The following CELF3 variants were observed in gnomAD, a reference collection of about 807,000 sequenced individuals.
CELF3 encodes CAG repeat domain.
Under a neutral mutation model 59.6 loss-of-function variants are expected in CELF3, and 26 were observed. The observed-to-expected ratio is 0.44, with a 90% CI of 0.32 to 0.61. The LOEUF (loss-of-function observed/expected upper bound fraction) is 0.61, where lower values mean the gene tolerates loss of function less well. Ranked by LOEUF, CELF3 falls within the 20% of genes least tolerant of loss-of-function variation. The probability of loss-of-function intolerance (pLI) is 0.06; values close to 1 mark genes in which losing one functional copy is unlikely to be tolerated. For synonymous variants in CELF3, 245 were observed against 250.7 expected (o/e 0.98, Z 0.22); for missense variants, 387 against 627.2 (o/e 0.62, Z 4.09).
In CELF3 at chr1:151,709,009, G is replaced by A; in HGVS notation, c.475C>T (p.Arg159Trp). ...QAAINTLHSS[R>W]TLPGASSSLV... ...GGAGTGGGGCTCACTGGCAGGGTCCGGCTGCTGTGAAGGGTGTTGATGGCC... is the reference window on the plus strand; with the variant it reads ...GGAGTGGGGCTCACTGGCAGGGTCCAGCTGCTGTGAAGGGTGTTGATGGCC... Residue 159 changes from arginine (R) to tryptophan (W), a missense_variant, in exon 5 of 13, where the codon CGG becomes TGG. Arg to Trp is a moderately radical substitution (Grantham distance 101). Transcript: ENST00000290583. The surrounding 1 kb of genome is among the most constrained non-coding windows in gnomAD (Gnocchi z 4.9). 6.2e-7 allele frequency: 1 copy of A among 1,613,652 alleles called. No homozygotes were observed. Among genetic ancestry groups the A allele is most frequent in the Non-Finnish European group, 8.5e-7 (1 of 1,179,920 alleles).
intron 7 of CELF3, 38 bp from the exon 8 acceptor site, chr1:151,707,332 C>T: frequency 6.4e-7 from 1 of 1,557,408 alleles, no homozygotes; most frequent in Non-Finnish European, 8.7e-7. Flanking sequence ...AGCAGAGGAG[C>T]AGACACACAC....
At chr1:151,714,269 G>A (rs977507629) in intron 2 of CELF3, among the ~76,000 whole-genome samples, 4 of 152,152 alleles carry the variant, frequency 2.6e-5, no homozygotes, top group Non-Finnish European at 4.4e-5. Flanking sequence ...ATCCACACTT[G>A]GTGTCCAGAG....
In CELF3 at chr1:151,716,168, G is replaced by T; in HGVS notation, c.-148C>A. ...GCCCCCAACCACGCTGCTAAGCAGAGGGGCGGCTCTTCACACAAAGGAGGC... is the reference window on the plus strand; with the variant it reads ...GCCCCCAACCACGCTGCTAAGCAGATGGGCGGCTCTTCACACAAAGGAGGC... On this transcript the variant is annotated 5_prime_UTR_variant, in exon 1 of 13. Coordinates refer to ENST00000290583, the MANE Select transcript of CELF3 (RefSeq NM_007185.7). 1 of 759,676 alleles carries T rather than the reference G, an allele frequency of 1.3e-6. No individual in the cohort carries two copies. Among genetic ancestry groups the T allele is most frequent in the Non-Finnish European group, 2.0e-6 (1 of 488,116 alleles). The allele number at this position is 759,676 out of a possible 1,614,324, so 47.1% of individuals were successfully genotyped here.
Position 151,714,543 on chromosome 1 carries a change from C to G in CELF3, c.228+51G>C, listed in dbSNP as rs928664794. 1.7e-5 allele frequency: 23 copies of G among 1,391,230 alleles called. No homozygotes were observed. The Admixed American group carries it at 3.9e-4, about 24-fold the overall frequency. 86.2% of individuals were successfully genotyped at this position (1,391,230 alleles called of 1,614,324 possible). Reference sequence around the variant, plus strand: ...GTCAGGAGGGTGGTGAGCCTCCTGCCACTTCTATGGCCCTTCTCAGTCCCC... The same window carrying G: ...GTCAGGAGGGTGGTGAGCCTCCTGCGACTTCTATGGCCCTTCTCAGTCCCC... On this transcript the variant is annotated intron_variant, in intron 2 of 12. Coordinates refer to ENST00000290583, the MANE Select transcript of CELF3 (RefSeq NM_007185.7).
At position 151,705,523 on chromosome 1, in the gene CELF3, C is replaced by T. The variant is rs370273289; in HGVS notation, c.1270+299G>A. 8.8e-4 allele frequency among the ~76,000 whole-genome samples: 134 copies of T among 152,296 alleles called. No individual in the cohort carries two copies. The highest frequency in any genetic ancestry group is 3.1e-3 in the African/African-American group (129 of 41,566). ...AAGACTTTCAAAGATGTGAAGGCAG[C>T]TAAAACCGACTCCCCAAGCCCACCT... On this transcript the variant is annotated intron_variant, in intron 11 of 12. Coordinates refer to ENST00000290583, the MANE Select transcript of CELF3 (RefSeq NM_007185.7). This position sits in a 1 kb window ranked among gnomAD's most constrained non-coding sequence, Gnocchi z 5.1.
In CELF3 at chr1:151,716,497, C is replaced by T; in HGVS notation, c.-477G>A. The stretch of plus-strand genomic sequence containing the variant: ...GCAGCGTCAGTAAGGGGGGCCCACT[C>T]CTGATGTGGGGCAGGTGAATCTCTC... On this transcript the variant is annotated 5_prime_UTR_variant, in exon 1 of 13. Coordinates refer to ENST00000290583, the MANE Select transcript of CELF3 (RefSeq NM_007185.7). 1 of 324,806 alleles carries T rather than the reference C, an allele frequency of 3.1e-6. No individual in the cohort carries two copies. The allele number at this position is 324,806 out of a possible 1,614,324, so 20.1% of individuals were successfully genotyped here. A position where few individuals can be genotyped will look rare whatever the true frequency, so the allele number is the denominator to read the frequency against.
chr1:151,709,512 T>G lies in CELF3; in HGVS notation c.278-164A>C, dbSNP rs1571922525. On this transcript the variant is annotated intron_variant, in intron 3 of 12. Transcript: ENST00000290583. The surrounding 1 kb of genome is among the most constrained non-coding windows in gnomAD (Gnocchi z 4.9). The stretch of plus-strand genomic sequence containing the variant: ...GGGAATGGGGTATAGTTGCAGAGGG[T>G]GCTCATCCCAGCTCTGAGGGACTCG... The G allele has an allele frequency of 9.3e-7, 1 of 1,080,790 alleles. No homozygotes were observed. The highest frequency in any genetic ancestry group is 1.4e-6 in the Non-Finnish European group (1 of 733,594). 67.0% of individuals were successfully genotyped at this position (1,080,790 alleles called of 1,614,324 possible). A position where few individuals can be genotyped will look rare whatever the true frequency, so the allele number is the denominator to read the frequency against.
Position 151,715,961 on chromosome 1 carries a change from C to T in CELF3, c.60G>A (p.Glu20=), listed in dbSNP as rs1381310601. ...GTTCGAAGATGGGCTTCAGGTCCTT[C>T]TCCTCCAGATGCCTCGGGATCTGCC... ...FVGQIPRHLE[E]KDLKPIFEQF... Residue 20 remains glutamate, a synonymous_variant, in exon 1 of 13, where the codon GAG becomes GAA. Coordinates refer to ENST00000290583, the MANE Select transcript of CELF3 (RefSeq NM_007185.7). 1 of 1,614,206 alleles carries T rather than the reference C, an allele frequency of 6.2e-7. No homozygotes were observed. Among genetic ancestry groups the T allele is most frequent in the Non-Finnish European group, 8.5e-7 (1 of 1,180,014 alleles).
At chr1:151,715,852 T>C (rs1401214826) in intron 1 of CELF3, 24 bp downstream of exon 1, 1 of 1,534,858 alleles carries the variant, frequency 6.5e-7, no homozygotes, top group African/African-American at 1.4e-5. Flanking sequence ...CCCCGAAGCC[T>C]CTTCAGCCTG....
In CELF3 at chr1:151,707,731, AG is replaced by A. The variant is rs904512378; in HGVS notation, c.630+60del. On this transcript the variant is annotated intron_variant, in intron 6 of 12. Coordinates refer to ENST00000290583, the MANE Select transcript of CELF3 (RefSeq NM_007185.7). Reference sequence around the variant, plus strand: ...CCCAGCCCGGGGCCTTGGCATCGGGAGGGTGGGGGCAAGATACAGGGGGTCA... The same window carrying A: ...CCCAGCCCGGGGCCTTGGCATCGGGAGGTGGGGGCAAGATACAGGGGGTCA... 3 of 1,600,600 alleles carry A rather than the reference AG, an allele frequency of 1.9e-6. No homozygotes were observed. The African/African-American group carries it at 4.0e-5, about 21-fold the overall frequency.
Position 151,716,149 on chromosome 1 carries a change from A to C in CELF3, c.-129T>G. The C allele has an allele frequency of 1.1e-6, 1 of 919,026 alleles. No individual in the cohort carries two copies. Among genetic ancestry groups the C allele is most frequent in the Non-Finnish European group, 1.6e-6 (1 of 627,158 alleles). 56.9% of individuals were successfully genotyped at this position (919,026 alleles called of 1,614,324 possible). ...GGGGCTGGCTTTCCCTTTGGCCCCC[A>C]ACCACGCTGCTAAGCAGAGGGGCGG... On this transcript the variant is annotated 5_prime_UTR_variant, in exon 1 of 13. Coordinates refer to ENST00000290583, the MANE Select transcript of CELF3 (RefSeq NM_007185.7).
intron 1 of CELF3, among the ~76,000 whole-genome samples, chr1:151,715,183 C>T (rs2101487762): frequency 6.6e-6 from 1 of 152,188 alleles, no homozygotes; most frequent in South Asian, 2.1e-4. Context: ...TTCCCTGTGC[C>T]AGGTGGAGGG....
At chr1:151,714,417 C>A in intron 2 of CELF3, 177 bp downstream of exon 2, 1 of 672,378 alleles carries the variant, frequency 1.5e-6, no homozygotes, top group African/African-American at 1.8e-5. Flanking sequence ...TCCTTCTCTC[C>A]AGGTAACAAG....
chr1:151,710,577 G>A (rs1312678317), intron 2 of CELF3: 1 of 453,304 alleles, frequency 2.2e-6, no homozygotes, highest in Non-Finnish European at 4.4e-6. Context: ...GAGGCTTGCA[G>A]AGCAGGCCCT....
chr1:151,708,163 T>C, intron 5 of CELF3: 1 of 503,246 alleles, frequency 2.0e-6, no homozygotes, highest in East Asian at 3.2e-5. Context: ...GGCACATGCT[T>C]GGAAAGTGAA....
Position 151,709,839 on chromosome 1 carries a change from C to T in CELF3, c.229-48G>A. 1 of 1,584,894 alleles carries T rather than the reference C, an allele frequency of 6.3e-7. No homozygotes were observed. Among genetic ancestry groups the T allele is most frequent in the Non-Finnish European group, 8.7e-7 (1 of 1,153,306 alleles). On this transcript the variant is annotated intron_variant, in intron 2 of 12. Coordinates refer to ENST00000290583, the MANE Select transcript of CELF3 (RefSeq NM_007185.7). This position sits in a 1 kb window ranked among gnomAD's most constrained non-coding sequence, Gnocchi z 4.9. ...GCTGCTGGGGACCTCCTCTGAACAC[C>T]CAAGAGCCCTCCCAGGCCAGGCCCT...
At chr1:151,703,480 G>C (rs961509271) in intron 12 of CELF3, 32 bp from the exon 13 acceptor site, 2 of 333,924 alleles carry the variant, frequency 6.0e-6, no homozygotes, top group African/African-American at 4.3e-5. Flanking sequence ...TGAAGCATGG[G>C]GAAGAGACCC....
At chr1:151,712,290 G>C (rs905815472) in intron 2 of CELF3, among the ~76,000 whole-genome samples, 3 of 152,122 alleles carry the variant, frequency 2.0e-5, no homozygotes, top group African/African-American at 7.2e-5. Flanking sequence ...CCTCCACCAC[G>C]GTCACTTTTA....
intron 12 of CELF3, 107 bp downstream of exon 12, chr1:151,704,924 C>T: frequency 1.6e-6 from 2 of 1,255,632 alleles, no homozygotes; most frequent in Non-Finnish European, 2.2e-6. Context: ...GTGGGGTGGG[C>T]ATCCCTGAGG....
Sources: allele counts gnomAD v4.1 joint callset (sites outside exome capture counted in the v4.1 genomes callset), GRCh38; gene constraint gnomAD v4.1.1; non-coding constraint Gnocchi (gnomAD v3.1); transcripts MANE v1.5; gene names NCBI Gene and HGNC (gene_info 2026-07-23, HGNC 2026-07-21).